Variants in EHMT1 observed in about 807,000 individuals in gnomAD.
The protein encoded by EHMT1 is histone-lysine N-methyltransferase EHMT1.
In EHMT1, 15 loss-of-function variants were observed where a neutral mutation model predicts 147.2. The ratio of observed to expected loss-of-function variants is 0.10; its 90% confidence interval spans 0.07 to 0.16. EHMT1 has a LOEUF of 0.16. Ranked by LOEUF, EHMT1 falls within the 10% of genes least tolerant of loss-of-function variation. EHMT1 has a pLI of 1.00. For synonymous variants in EHMT1, 795 were observed against 709.6 expected (o/e 1.12, Z -1.91); for missense variants, 1,587 against 1,772.4 (o/e 0.90, Z 1.88).
rs200076276 is a variant in EHMT1 at position 137,744,025 on chromosome 9, G to A, written c.1105G>A (p.Ala369Thr). The change falls in exon 6 of 27, where the codon GCG becomes ACG. Residue 369 changes from alanine (A) to threonine (T), a missense_variant. By Grantham distance (58) the Ala-to-Thr change is moderately conservative. Transcript: ENST00000460843. ...DDGHGAEQAA[A>T]FPTEDSRTSK... ...CGGCCATGGTGCAGAGCAGGCGGCC[G>A]CGTTCCCCACAGAGGACAGCAGGAC... 1.6e-5 allele frequency: 26 copies of A among 1,614,004 alleles called. No homozygotes were observed. The highest frequency in any genetic ancestry group is 1.8e-5 in the Non-Finnish European group (21 of 1,180,042).
At chr9:137,774,385 G>A (rs1950793255) in intron 10 of EHMT1, among the ~76,000 whole-genome samples, 1 of 149,560 alleles carries the variant, frequency 6.7e-6, no homozygotes, top group Admixed American at 6.7e-5. Context: ...TGGCTCCCTG[G>A]ATCTGGTGAG....
At position 137,811,442 on chromosome 9, in the gene EHMT1, C is replaced by G; in HGVS notation, c.2713-19C>G. On this transcript the variant is annotated intron_variant, in intron 18 of 26. Transcript: ENST00000460843. ...GCCAGCAGGAAGCCTGCACTGAGCT[C>G]TGGCTTGTGTCTGTTCAGGAGGAGA... The G allele has an allele frequency of 1.9e-6, 3 of 1,611,882 alleles. No homozygotes were observed. The highest frequency in any genetic ancestry group is 2.5e-6 in the Non-Finnish European group (3 of 1,179,986).
intron 10 of EHMT1, among the ~76,000 whole-genome samples, chr9:137,765,692 C>T (rs1273417461): frequency 7.4e-6 from 1 of 134,316 alleles, no homozygotes; most frequent in African/African-American, 2.8e-5. Flanking sequence ...CCCAGCCTGT[C>T]CCCGCTTGTG....
chr9:137,776,692 T>G lies in EHMT1; in HGVS notation c.1866T>G (p.Asn622Lys). 1 of 1,614,056 alleles carries G rather than the reference T, an allele frequency of 6.2e-7. No homozygotes were observed. Among genetic ancestry groups the G allele is most frequent in the East Asian group, 2.2e-5 (1 of 44,866 alleles). Residue 622 changes from asparagine to lysine, a missense_variant, in exon 12 of 27, where the codon AAT (asparagine) becomes AAG (lysine). Asn to Lys is a moderately conservative substitution (Grantham distance 94, BLOSUM62 0). Coordinates refer to ENST00000460843, the MANE Select transcript of EHMT1 (RefSeq NM_024757.5). This position sits in a 1 kb window ranked among gnomAD's most constrained non-coding sequence, Gnocchi z 4.4. ...ACAAAGACTGTGCCTCTCGAGTCAA[T>G]AACGCCAGCTATTGTCCCCACTGTG... is the stretch of plus-strand genomic sequence containing the variant. ...RFHKDCASRVNNASYCPHCGE... is the reference protein window; with the variant it reads ...RFHKDCASRVKNASYCPHCGE...
intron 10 of EHMT1, among the ~76,000 whole-genome samples, chr9:137,768,046 A>G (rs575125904): frequency 2.0e-5 from 3 of 152,310 alleles, no homozygotes; most frequent in South Asian, 2.1e-4. Flanking sequence ...TGTTTGTACA[A>G]CTTTGTAGCC....
intron 1 of EHMT1, among the ~76,000 whole-genome samples, chr9:137,700,279 A>G (rs1943728071): frequency 6.6e-6 from 1 of 152,104 alleles, no homozygotes; most frequent in African/African-American, 2.4e-5. Flanking sequence ...CCTCCCCGGG[A>G]GCTGCTTGTG....
At chr9:137,668,081 C>T (rs950889799) in intron 1 of EHMT1, among the ~76,000 whole-genome samples, 10 of 152,038 alleles carry the variant, frequency 6.6e-5, no homozygotes, top group African/African-American at 2.2e-4. Flanking sequence ...TTCCTTTCGA[C>T]CTTGGAGAAG....
chr9:137,756,697 T>C (rs1949402193), intron 8 of EHMT1, among the ~76,000 whole-genome samples: 1 of 152,250 alleles, frequency 6.6e-6, no homozygotes, highest in African/African-American at 2.4e-5. Flanking sequence ...TAAAAGTTGT[T>C]TTTGGGGTAG....
At chr9:137,647,831 A>G (rs1186148669) in intron 1 of EHMT1, among the ~76,000 whole-genome samples, 1 of 152,012 alleles carries the variant, frequency 6.6e-6, no homozygotes, top group African/African-American at 2.4e-5. Context: ...TCCTGAGCTC[A>G]GGCAATCCAC....
At chr9:137,821,779 C>G (rs1032578864) in intron 25 of EHMT1, among the ~76,000 whole-genome samples, 1 of 152,116 alleles carries the variant, frequency 6.6e-6, no homozygotes, top group African/African-American at 2.4e-5. Flanking sequence ...GCATTTACTA[C>G]CTTGTTTACT....
chr9:137,794,362 A>G (rs1380667930), intron 16 of EHMT1, among the ~76,000 whole-genome samples: 1 of 152,202 alleles, frequency 6.6e-6, no homozygotes, highest in Non-Finnish European at 1.5e-5. Context: ...GTAGGCAAAC[A>G]TTTGGCCAGG....
intron 4 of EHMT1, among the ~76,000 whole-genome samples, chr9:137,733,035 G>A (rs1016208050): frequency 2.0e-5 from 3 of 152,194 alleles, no homozygotes; most frequent in African/African-American, 4.8e-5. Context: ...AGCAGAGCCC[G>A]TGTGTGGTAG....
intron 1 of EHMT1, among the ~76,000 whole-genome samples, chr9:137,663,973 A>C (rs1407812167): frequency 2.0e-5 from 3 of 152,246 alleles, no homozygotes; most frequent in Non-Finnish European, 4.4e-5. Flanking sequence ...TATGCATAAT[A>C]AATTCTGCAA....
In EHMT1 at chr9:137,710,949, G is replaced by A. The variant is rs1944651637; in HGVS notation, c.22-18G>A. The A allele has an allele frequency of 1.3e-6, 2 of 1,591,128 alleles. No individual in the cohort carries two copies. Among genetic ancestry groups the A allele is most frequent in the East Asian group, 2.3e-5 (1 of 43,870 alleles). ...CTCCCACTGAACCCGGCTGACGGCT[G>A]TTGTTTCTCTCTAACAGGCAGTTCC... is the stretch of plus-strand genomic sequence containing the variant. On this transcript the variant is annotated intron_variant, in intron 1 of 26. Coordinates refer to ENST00000460843, the MANE Select transcript of EHMT1 (RefSeq NM_024757.5).
At chr9:137,794,915 T>G (rs1952784207) in intron 16 of EHMT1, among the ~76,000 whole-genome samples, 1 of 152,090 alleles carries the variant, frequency 6.6e-6, no homozygotes, top group African/African-American at 2.4e-5. Flanking sequence ...GAGGAAAACT[T>G]AGCGCGTTGG....
At chr9:137,671,598 C>T (rs1335581545) in intron 1 of EHMT1, among the ~76,000 whole-genome samples, 1 of 145,674 alleles carries the variant, frequency 6.9e-6, no homozygotes, top group Non-Finnish European at 1.5e-5. Flanking sequence ...GACCTTGGCT[C>T]ATTGCAACCT....
In EHMT1 at chr9:137,728,322, T is replaced by C. The variant is rs374875859; in HGVS notation, c.643-27T>C. 19 of 1,614,036 alleles carry C rather than the reference T, an allele frequency of 1.2e-5. No individual in the cohort carries two copies. The African/African-American group carries it at 1.2e-4, about 10-fold the overall frequency. ...CAGTGACCACCTGCTTATGCAGTTATAGTTATTCACTGTCTTTGTTTTGAA... is the reference window on the plus strand; with the variant it reads ...CAGTGACCACCTGCTTATGCAGTTACAGTTATTCACTGTCTTTGTTTTGAA... On this transcript the variant is annotated intron_variant, in intron 3 of 26. Coordinates refer to ENST00000460843, the MANE Select transcript of EHMT1 (RefSeq NM_024757.5).
intron 4 of EHMT1, among the ~76,000 whole-genome samples, chr9:137,729,704 C>T (rs9410126): frequency 0.19 from 28,758 of 152,130 alleles, 7,060 homozygotes; most frequent in African/African-American, 0.57. Flanking sequence ...CAATCTCGCC[C>T]CCGGCCCCCC....
chr9:137,651,865 A>G (rs887078234), intron 1 of EHMT1, among the ~76,000 whole-genome samples: 1 of 152,178 alleles, frequency 6.6e-6, no homozygotes, highest in Non-Finnish European at 1.5e-5. Context: ...AGCTCTAGCA[A>G]TAGGCATTAT....
Sources: allele counts gnomAD v4.1 joint callset (sites outside exome capture counted in the v4.1 genomes callset), GRCh38; gene constraint gnomAD v4.1.1; non-coding constraint Gnocchi (gnomAD v3.1); transcripts MANE v1.5; gene names NCBI Gene and HGNC (gene_info 2026-07-23, HGNC 2026-07-21).